TPPP: variants seen among roughly 807,000 people sequenced by gnomAD.
The protein encoded by TPPP is tubulin polymerization promoting protein.
TPPP carries 6 observed loss-of-function variants against 15.5 expected under a neutral mutation model. The ratio of observed to expected loss-of-function variants is 0.39; its 90% confidence interval spans 0.21 to 0.77. The LOEUF (loss-of-function observed/expected upper bound fraction) is 0.77, where lower values mean the gene tolerates loss of function less well. TPPP is among the 30% of genes least tolerant of loss of function. The pLI, the probability that TPPP is intolerant of heterozygous loss-of-function variation, is 0.42. For missense variants in TPPP, 269 were observed against 307.2 expected (o/e 0.88, Z 0.93); for synonymous variants, 146 against 133.9 (o/e 1.09, Z -0.63).
At chr5:688,531 CCCCATCCCACT>C in intron 1 of TPPP, among the ~76,000 whole-genome samples, 1 of 152,278 alleles carries the variant, frequency 6.6e-6, no homozygotes, top group Middle Eastern at 3.4e-3. Context: ...GTGAGTAAGA[CCCCATCCCACT>C]CCCGGAACAC....
intron 1 of TPPP, among the ~76,000 whole-genome samples, chr5:684,980 A>G (rs920127012): frequency 1.3e-5 from 2 of 152,144 alleles, no homozygotes; most frequent in East Asian, 1.9e-4. Context: ...CAGAGGCCAG[A>G]CAGGTGCACA....
chr5:699,364 G>A, the TPPP span, among the ~76,000 whole-genome samples: 1 of 152,050 alleles, frequency 6.6e-6, no homozygotes, highest in Non-Finnish European at 1.5e-5. Context: ...AAATGACACT[G>A]AGGAAATGAC....
In TPPP at chr5:662,774, C is replaced by T. The variant is rs929233316; in HGVS notation, c.*2328G>A. On this transcript the variant is annotated 3_prime_UTR_variant, in exon 4 of 4. Transcript: ENST00000360578. ...TCAGGCTTCGGGACCTGGGGAGCCA[C>T]CCTGTTTGGTGACCACTCGTCCTCG... 1 of 152,496 alleles carries T rather than the reference C, an allele frequency of 6.6e-6. No individual in the cohort carries two copies. Among genetic ancestry groups the T allele is most frequent in the African/African-American group, 2.4e-5 (1 of 41,466 alleles). 9.4% of individuals were successfully genotyped at this position (152,496 alleles called of 1,614,324 possible).
At chr5:676,897 G>A (rs1335587097) in intron 2 of TPPP, among the ~76,000 whole-genome samples, 2 of 94,496 alleles carry the variant, frequency 2.1e-5, no homozygotes, top group African/African-American at 1.6e-4. Flanking sequence ...ACGCAGAAAC[G>A]CGCACGCGCG....
At chr5:673,395 G>A (rs985517461) in intron 2 of TPPP, among the ~76,000 whole-genome samples, 4 of 152,136 alleles carry the variant, frequency 2.6e-5, no homozygotes, top group Non-Finnish European at 5.9e-5. Flanking sequence ...GAGGGTGGGA[G>A]AGAGGAGGAG....
At chr5:681,251 C>A (rs1740612843) in intron 1 of TPPP, among the ~76,000 whole-genome samples, 1 of 152,200 alleles carries the variant, frequency 6.6e-6, no homozygotes, top group Non-Finnish European at 1.5e-5. Flanking sequence ...AGGCTCTGCT[C>A]TTTCACCGTG....
intron 2 of TPPP, among the ~76,000 whole-genome samples, chr5:676,915 G>A (rs762851644): frequency 1.4e-5 from 2 of 144,716 alleles, no homozygotes; most frequent in African/African-American, 2.6e-5. Context: ...GCGCATACAC[G>A]ACGCAGAAAC....
At chr5:670,208 C>T (rs1322292647) in intron 2 of TPPP, among the ~76,000 whole-genome samples, 1 of 152,196 alleles carries the variant, frequency 6.6e-6, no homozygotes, top group Admixed American at 6.5e-5. Context: ...GCGGACGTCA[C>T]AGGCCCCGCT....
intron 1 of TPPP, among the ~76,000 whole-genome samples, chr5:683,813 C>T (rs1367696871): frequency 6.6e-6 from 1 of 152,292 alleles, no homozygotes; most frequent in African/African-American, 2.4e-5. Flanking sequence ...GGTGGGAGTG[C>T]ATGCTGGGCA....
At position 662,788 on chromosome 5, in the gene TPPP, C is replaced by G. The variant is rs1739690479; in HGVS notation, c.*2314G>C. ...CTGGGGAGCCACCCTGTTTGGTGAC[C>G]ACTCGTCCTCGGCCTTTTCAACACA... On this transcript the variant is annotated 3_prime_UTR_variant, in exon 4 of 4. Transcript: ENST00000360578. 1 of 152,516 alleles carries G rather than the reference C, an allele frequency of 6.6e-6. No individual in the cohort carries two copies. The highest frequency in any genetic ancestry group is 2.1e-4 in the South Asian group (1 of 4,840). The allele number at this position is 152,516 out of a possible 1,614,324, so 9.4% of individuals were successfully genotyped here.
intron 1 of TPPP, among the ~76,000 whole-genome samples, chr5:678,899 C>A (rs1024053075): frequency 6.6e-6 from 1 of 152,198 alleles, no homozygotes; most frequent in Non-Finnish European, 1.5e-5. Flanking sequence ...CCGAGGCCAC[C>A]TCCCTACCAT....
chr5:697,400 C>T (rs1329083937), upstream of TPPP, among the ~76,000 whole-genome samples: 4 of 151,082 alleles, frequency 2.6e-5, no homozygotes, highest in Non-Finnish European at 4.4e-5. Context: ...GGGGACACGG[C>T]AACAGGACAG....
At chr5:666,378 T>C (rs552393723) in intron 2 of TPPP, among the ~76,000 whole-genome samples, 21 of 152,234 alleles carry the variant, frequency 1.4e-4, no homozygotes, top group Admixed American at 4.6e-4. Flanking sequence ...GTCTGCACTC[T>C]GCTGGGGCAG....
chr5:683,181 T>C (rs957717206), intron 1 of TPPP, among the ~76,000 whole-genome samples: 1 of 152,210 alleles, frequency 6.6e-6, no homozygotes, highest in Non-Finnish European at 1.5e-5. Context: ...GACAGCTGCT[T>C]GTGCCTCAGT....
chr5:660,250 A>G lies in TPPP; in HGVS notation c.*4852T>C, dbSNP rs1042244238. On this transcript the variant is annotated 3_prime_UTR_variant, in exon 4 of 4. Coordinates refer to ENST00000360578, the MANE Select transcript of TPPP (RefSeq NM_007030.3). ...ATATAAATTTGTTTCCCTTTCTTGAAAAAAACTTAGTACAAACTAGTAGTT... is the reference window on the plus strand; with the variant it reads ...ATATAAATTTGTTTCCCTTTCTTGAGAAAAACTTAGTACAAACTAGTAGTT... The G allele has an allele frequency of 1.3e-5, 2 of 151,808 alleles. No homozygotes were observed. Among genetic ancestry groups the G allele is most frequent in the African/African-American group, 4.8e-5 (2 of 41,324 alleles). 9.4% of individuals were successfully genotyped at this position (151,808 alleles called of 1,614,324 possible).
At chr5:683,908 C>A (rs368851023) in intron 1 of TPPP, among the ~76,000 whole-genome samples, 1 of 152,220 alleles carries the variant, frequency 6.6e-6, no homozygotes. Flanking sequence ...GGTGTGCTGC[C>A]GCTGGGCTCT....
intron 1 of TPPP, among the ~76,000 whole-genome samples, chr5:693,001 G>A (rs1310769746): frequency 1.5e-4 from 22 of 151,284 alleles, no homozygotes; most frequent in South Asian, 6.3e-4. Flanking sequence ...GCCCGGAGAC[G>A]GTGACAGACC....
At chr5:671,088 C>T (rs1740204496) in intron 2 of TPPP, among the ~76,000 whole-genome samples, 1 of 152,240 alleles carries the variant, frequency 6.6e-6, no homozygotes, top group South Asian at 2.1e-4. Context: ...CCCACACAGC[C>T]GGTCGGGGGG....
chr5:683,931 C>T (rs1422332437), intron 1 of TPPP, among the ~76,000 whole-genome samples: 6 of 152,134 alleles, frequency 3.9e-5, no homozygotes, highest in South Asian at 2.1e-4. Context: ...AGAACCTTTA[C>T]GCCCAAGTCC....
Sources: gnomAD v4.1 joint callset for allele counts (sites outside exome capture counted in the v4.1 genomes callset) on GRCh38, gnomAD v4.1.1 for gene constraint, MANE v1.5 for transcripts, NCBI Gene and HGNC (gene_info 2026-07-23, HGNC 2026-07-21) for gene names.